Variants in BUB1B observed in about 807,000 individuals in gnomAD.
The protein encoded by BUB1B is mitotic checkpoint serine/threonine-protein kinase BUB1 beta.
BUB1B carries 86 observed loss-of-function variants against 137.7 expected under a neutral mutation model. The ratio of observed to expected loss-of-function variants is 0.62; its 90% confidence interval spans 0.52 to 0.75. The LOEUF (loss-of-function observed/expected upper bound fraction) is 0.75, where lower values mean the gene tolerates loss of function less well. BUB1B is among the 30% of genes least tolerant of loss of function. The pLI, the probability that BUB1B is intolerant of heterozygous loss-of-function variation, is 0.00. For missense variants in BUB1B, 1,130 were observed against 1,236.9 expected (o/e 0.91, Z 1.30); for synonymous variants, 420 against 417.9 (o/e 1.00, Z -0.06).
intron 8 of BUB1B, among the ~76,000 whole-genome samples, chr15:40,194,463 G>A (rs139725637): frequency 1.3e-5 from 2 of 152,204 alleles, no homozygotes; most frequent in Non-Finnish European, 2.9e-5. Context: ...TGATGTTAGT[G>A]TGGGTTTTTC....
chr15:40,171,939 TAAAC>T (rs909005092), intron 4 of BUB1B, among the ~76,000 whole-genome samples: 17 of 152,018 alleles, frequency 1.1e-4, no homozygotes, highest in Non-Finnish European at 2.1e-4. Flanking sequence ...TTTAAAAAAA[TAAAC>T]AATAAATATT....
intron 21 of BUB1B, 40 bp from the exon 22 acceptor site, chr15:40,218,416 A>C: frequency 6.9e-7 from 1 of 1,454,852 alleles, no homozygotes; most frequent in Non-Finnish European, 9.6e-7. Context: ...TGGTAGAGGC[A>C]GAGAATTATT....
chr15:40,208,847 T>C (rs1442717275), intron 16 of BUB1B, 77 bp downstream of exon 16: 2 of 1,477,390 alleles, frequency 1.4e-6, no homozygotes, highest in Non-Finnish European at 1.9e-6. Context: ...ATGTTTTTCT[T>C]TTTTTGAGAC....
chr15:40,172,644 C>T (rs1466607577), intron 4 of BUB1B, among the ~76,000 whole-genome samples: 3 of 150,958 alleles, frequency 2.0e-5, no homozygotes, highest in Non-Finnish European at 4.4e-5. Flanking sequence ...TCACGGGTGG[C>T]AGAGATGGAA....
In BUB1B at chr15:40,210,220, A is replaced by G. The variant is rs2037694178; in HGVS notation, c.2385+10A>G. 1 of 1,554,014 alleles carries G rather than the reference A, an allele frequency of 6.4e-7. No individual in the cohort carries two copies. The highest frequency in any genetic ancestry group is 1.7e-5 in the Admixed American group (1 of 59,932). On this transcript the variant is annotated intron_variant, in intron 18 of 22. Coordinates refer to ENST00000287598, the MANE Select transcript of BUB1B (RefSeq NM_001211.6). ...ATTAACAGTAATAAAGGTGGGACTG[A>G]TTCTTTATAATTTCAGTTACTTTGT...
intron 9 of BUB1B, among the ~76,000 whole-genome samples, chr15:40,197,574 A>T (rs1024331659): frequency 6.6e-6 from 1 of 152,206 alleles, no homozygotes; most frequent in South Asian, 2.1e-4. Flanking sequence ...ATACATCCGT[A>T]TCCAGAATAA....
chr15:40,169,330 C>T (rs1036114272), intron 2 of BUB1B, among the ~76,000 whole-genome samples: 7 of 151,902 alleles, frequency 4.6e-5, no homozygotes, highest in Non-Finnish European at 1.0e-4. Context: ...TGTGTAAACC[C>T]TTTACATTTA....
Position 40,176,464 on chromosome 15 carries a change from A to C in BUB1B, c.385-13A>C. The C allele has an allele frequency of 6.2e-7, 1 of 1,613,828 alleles. No individual in the cohort carries two copies. The highest frequency in any genetic ancestry group is 8.5e-7 in the Non-Finnish European group (1 of 1,179,764). On this transcript the variant is annotated splice_polypyrimidine_tract_variant and intron_variant, in intron 4 of 22. Transcript: ENST00000287598. ...GAGTAGAAATTGGTTAACTGTTAAC[A>C]CTTCTGTTACAGGGGCGTTTATGCA...
Position 40,213,534 on chromosome 15 carries a change from A to G in BUB1B, c.2678+60A>G. 3.2e-6 allele frequency: 5 copies of G among 1,575,674 alleles called. No individual in the cohort carries two copies. In the South Asian group the frequency reaches 3.4e-5, roughly 11 times the overall value. The stretch of plus-strand genomic sequence containing the variant: ...GTCTCTTAAAACATGGATAGTTGCC[A>G]CTTTTTTTTTTCTTTTTTGAGGCGA... On this transcript the variant is annotated intron_variant, in intron 20 of 22. Coordinates refer to ENST00000287598, the MANE Select transcript of BUB1B (RefSeq NM_001211.6).
chr15:40,183,816 T>C lies in BUB1B; in HGVS notation c.684T>C (p.Ala228=), dbSNP rs1566819856. 1 of 1,614,102 alleles carries C rather than the reference T, an allele frequency of 6.2e-7. No homozygotes were observed. Among genetic ancestry groups the C allele is most frequent in the Non-Finnish European group, 8.5e-7 (1 of 1,179,980 alleles). The change falls in exon 6 of 23, where the codon GCT becomes GCC. Residue 228 remains alanine (A), a synonymous_variant. Transcript: ENST00000287598. ...CTGTACCACAACGAAGCACACTAGC[T>C]GAACTAAAGAGCAAAGGGAAAAAGA... The part of the protein sequence containing the change: ...ESSVPQRSTL[A]ELKSKGKKTA...
At chr15:40,197,450 G>C (rs761207543) in intron 9 of BUB1B, among the ~76,000 whole-genome samples, 1 of 152,150 alleles carries the variant, frequency 6.6e-6, no homozygotes, top group Non-Finnish European at 1.5e-5. Flanking sequence ...GGGGCTTAAG[G>C]CATGAGAAGG....
At chr15:40,184,877 T>C (rs1165785343) in intron 6 of BUB1B, among the ~76,000 whole-genome samples, 1 of 152,186 alleles carries the variant, frequency 6.6e-6, no homozygotes, top group Non-Finnish European at 1.5e-5. Context: ...AATGTTATAA[T>C]GATGACTGAA....
chr15:40,202,087 A>G (rs2037578329), intron 12 of BUB1B, among the ~76,000 whole-genome samples: 1 of 152,164 alleles, frequency 6.6e-6, no homozygotes, highest in African/African-American at 2.4e-5. Flanking sequence ...GGGATTTTTA[A>G]AAAGCCTCTT....
intron 15 of BUB1B, 44 bp from the exon 16 acceptor site, chr15:40,208,593 A>G (rs368275547): frequency 1.7e-5 from 26 of 1,529,406 alleles, no homozygotes; most frequent in Non-Finnish European, 1.8e-5. Flanking sequence ...CAAAGTTGAT[A>G]TATATTATTC....
chr15:40,165,098 A>G lies in BUB1B; in HGVS notation c.81A>G (p.Glu27=). ...GAGATGAATGGGAACTGAGTAAAGA[A>G]AATGTACAACCTTTAAGGCAAGGGC... The part of the protein sequence containing the change: ...LEGDEWELSK[E]NVQPLRQGRI... The change falls in exon 2 of 23, where the codon GAA becomes GAG. Residue 27 remains glutamate (E), a synonymous_variant. Coordinates refer to ENST00000287598, the MANE Select transcript of BUB1B (RefSeq NM_001211.6). 1 of 1,614,214 alleles carries G rather than the reference A, an allele frequency of 6.2e-7. No individual in the cohort carries two copies. Among genetic ancestry groups the G allele is most frequent in the Non-Finnish European group, 8.5e-7 (1 of 1,180,032 alleles).
intron 20 of BUB1B, among the ~76,000 whole-genome samples, chr15:40,217,104 G>A (rs886307012): frequency 1.6e-4 from 24 of 152,272 alleles, no homozygotes; most frequent in African/African-American, 5.5e-4. Flanking sequence ...GAAAGGCTAT[G>A]ACACCTATAA....
intron 5 of BUB1B, among the ~76,000 whole-genome samples, chr15:40,177,382 T>C (rs889542011): frequency 2.6e-5 from 4 of 152,162 alleles, no homozygotes; most frequent in African/African-American, 9.6e-5. Flanking sequence ...TTTAGATCCC[T>C]GATCCATTTT....
At chr15:40,202,543 T>A in intron 13 of BUB1B, 46 bp from the exon 14 acceptor site, 1 of 1,599,384 alleles carries the variant, frequency 6.3e-7, no homozygotes, top group East Asian at 2.2e-5. Flanking sequence ...AAATTAGGGG[T>A]TACTGTTATG....
chr15:40,218,357 T>C, intron 21 of BUB1B, 99 bp from the exon 22 acceptor site: 1 of 829,562 alleles, frequency 1.2e-6, no homozygotes, highest in East Asian at 2.6e-5. Flanking sequence ...AAAATAAACT[T>C]AGTTAAGCAC....
Sources: allele counts gnomAD v4.1 joint callset (sites outside exome capture counted in the v4.1 genomes callset), GRCh38; gene constraint gnomAD v4.1.1; transcripts MANE v1.5; gene names NCBI Gene and HGNC (gene_info 2026-07-23, HGNC 2026-07-21).